STAC: variants seen among roughly 807,000 people sequenced by gnomAD.
The protein encoded by STAC is SH3 and cysteine-rich domain-containing protein.
In STAC, 43 loss-of-function variants were observed where a neutral mutation model predicts 48.8. That is an observed-to-expected ratio of 0.88 (90% CI 0.69 to 1.14). The LOEUF (loss-of-function observed/expected upper bound fraction) is 1.14, where lower values mean the gene tolerates loss of function less well. Ranked by LOEUF, STAC falls within the 50% of genes most tolerant of loss-of-function variation. STAC has a pLI of 0.00. For missense variants in STAC, 497 were observed against 504.0 expected (o/e 0.99, Z 0.13); for synonymous variants, 193 against 179.5 (o/e 1.07, Z -0.60).
chr3:36,441,946 T>C (rs1292923858), intron 1 of STAC, among the ~76,000 whole-genome samples: 1 of 93,634 alleles, frequency 1.1e-5, no homozygotes, highest in African/African-American at 3.6e-5. Flanking sequence ...GAGGTTTGTG[T>C]TTTTTTTGCC....
intron 1 of STAC, among the ~76,000 whole-genome samples, chr3:36,419,049 A>G (rs1281154931): frequency 7.8e-6 from 1 of 128,396 alleles, no homozygotes; most frequent in Admixed American, 7.5e-5. Context: ...CTCCGACTCA[A>G]AAAAAAAAAA....
chr3:36,537,025 A>T (rs1163316749), intron 10 of STAC, among the ~76,000 whole-genome samples: 3 of 152,152 alleles, frequency 2.0e-5, no homozygotes, highest in Non-Finnish European at 4.4e-5. Context: ...CAGAATGGTG[A>T]TTATTAAAGA....
intron 1 of STAC, among the ~76,000 whole-genome samples, chr3:36,392,314 A>G (rs1313237149): frequency 6.6e-6 from 1 of 151,894 alleles, no homozygotes; most frequent in Non-Finnish European, 1.5e-5. Context: ...TGAGTCCTTC[A>G]CTTCTTATGC....
In STAC at chr3:36,466,338, C is replaced by T. The variant is rs1046582573; in HGVS notation, c.389-16654C>T. On this transcript the variant is annotated intron_variant, in intron 2 of 10. Coordinates refer to ENST00000273183, the MANE Select transcript of STAC (RefSeq NM_003149.3). Reference sequence around the variant, plus strand: ...TAGTTGGAAGTTGGGTAATATGATGCTTCCAGATTTGTTCTTTTTGCTTAG... The same window carrying T: ...TAGTTGGAAGTTGGGTAATATGATGTTTCCAGATTTGTTCTTTTTGCTTAG... Among the ~76,000 whole-genome samples the T allele has an allele frequency of 2.6e-5, 4 of 152,222 alleles. 1 individual carries two copies. The highest frequency in any genetic ancestry group is 1.5e-5 in the Non-Finnish European group (1 of 68,022).
intron 8 of STAC, among the ~76,000 whole-genome samples, chr3:36,519,570 T>G (rs1698752777): frequency 6.6e-6 from 1 of 152,238 alleles, no homozygotes; most frequent in African/African-American, 2.4e-5. Flanking sequence ...TTTATCCCTT[T>G]TTGGCCCCTC....
chr3:36,424,795 AAAAT>A lies in STAC; in HGVS notation c.112-18562_112-18559del, dbSNP rs1700526307. On this transcript the variant is annotated intron_variant, in intron 1 of 10. Coordinates refer to ENST00000273183, the MANE Select transcript of STAC (RefSeq NM_003149.3). Reference sequence around the variant, plus strand: ...GCAAACCTGGGACAATTTGAGCAACAAAATAAATAATGATAATGAGGAATTGTAA... The same window carrying A: ...GCAAACCTGGGACAATTTGAGCAACAAAATAATGATAATGAGGAATTGTAA... Among the ~76,000 whole-genome samples the A allele has an allele frequency of 2.0e-5, 3 of 152,316 alleles. No homozygotes were observed. In the South Asian group the frequency reaches 6.2e-4, roughly 32 times the overall value.
At chr3:36,412,739 T>C (rs929405227) in intron 1 of STAC, among the ~76,000 whole-genome samples, 1 of 152,238 alleles carries the variant, frequency 6.6e-6, no homozygotes, top group Non-Finnish European at 1.5e-5. Context: ...CAGGGCTCTA[T>C]GTTTGATTCA....
chr3:36,416,739 C>T (rs1038886640), intron 1 of STAC, among the ~76,000 whole-genome samples: 6 of 152,090 alleles, frequency 3.9e-5, no homozygotes, highest in Non-Finnish European at 5.9e-5. Context: ...CTTCTCTATG[C>T]CATGTTATTT....
chr3:36,494,164 A>G (rs1414481594), intron 6 of STAC, among the ~76,000 whole-genome samples: 1 of 150,680 alleles, frequency 6.6e-6, no homozygotes, highest in Non-Finnish European at 1.5e-5. Context: ...AAAAAAAAAA[A>G]AAAAAAAAAA....
chr3:36,501,191 C>T (rs114003209), intron 6 of STAC, among the ~76,000 whole-genome samples: 288 of 152,098 alleles, frequency 1.9e-3, no homozygotes, highest in African/African-American at 6.5e-3. Flanking sequence ...CAAAACAACA[C>T]GTATCCAAAG....
At chr3:36,430,843 C>T (rs928758774) in intron 1 of STAC, among the ~76,000 whole-genome samples, 4 of 152,168 alleles carry the variant, frequency 2.6e-5, no homozygotes, top group Non-Finnish European at 4.4e-5. Flanking sequence ...TCCAAATTTC[C>T]TCTTCTTACA....
intron 1 of STAC, among the ~76,000 whole-genome samples, chr3:36,382,913 T>G (rs1476864522): frequency 6.6e-6 from 1 of 152,226 alleles, no homozygotes; most frequent in Admixed American, 6.5e-5. Flanking sequence ...CATGAAGTGG[T>G]CTTGTTTGTA....
At chr3:36,435,521 C>T (rs567691168) in intron 1 of STAC, among the ~76,000 whole-genome samples, 2 of 151,152 alleles carry the variant, frequency 1.3e-5, no homozygotes, top group Admixed American at 1.3e-4. Context: ...CAAAACATGA[C>T]AGAAAAAAAA....
intron 1 of STAC, among the ~76,000 whole-genome samples, chr3:36,434,890 G>A (rs151017793): frequency 6.6e-6 from 1 of 152,310 alleles, no homozygotes; most frequent in African/African-American, 2.4e-5. Context: ...CAACCACATG[G>A]ATTATTGCTG....
intron 2 of STAC, among the ~76,000 whole-genome samples, chr3:36,455,252 T>G (rs776205788): frequency 7.2e-5 from 11 of 152,310 alleles, no homozygotes; most frequent in Non-Finnish European, 1.3e-4. Flanking sequence ...CAGGAAGAAA[T>G]AGAAATATTG....
At chr3:36,462,462 G>A (rs1355783469) in intron 2 of STAC, among the ~76,000 whole-genome samples, 1 of 152,062 alleles carries the variant, frequency 6.6e-6, no homozygotes, top group African/African-American at 2.4e-5. Context: ...GTATTTAAAG[G>A]CATAAGACCT....
At chr3:36,445,169 A>T (rs970200524) in intron 2 of STAC, among the ~76,000 whole-genome samples, 4 of 152,208 alleles carry the variant, frequency 2.6e-5, no homozygotes, top group African/African-American at 9.6e-5. Context: ...CCTCTGAGGA[A>T]TGTCATAGTC....
intron 7 of STAC, among the ~76,000 whole-genome samples, chr3:36,504,862 A>T (rs1430358476): frequency 2.0e-5 from 3 of 152,122 alleles, no homozygotes; most frequent in African/African-American, 7.2e-5. Flanking sequence ...ATAGTTGTGT[A>T]CAGCTTTTGT....
At chr3:36,399,738 C>T (rs1699963118) in intron 1 of STAC, among the ~76,000 whole-genome samples, 1 of 152,158 alleles carries the variant, frequency 6.6e-6, no homozygotes, top group South Asian at 2.1e-4. Flanking sequence ...ACTCGAGAAT[C>T]TTGGAAAAAT....
Sources: allele counts gnomAD v4.1 joint callset (sites outside exome capture counted in the v4.1 genomes callset), GRCh38; gene constraint gnomAD v4.1.1; transcripts MANE v1.5; gene names NCBI Gene and HGNC (gene_info 2026-07-23, HGNC 2026-07-21).